DVL2: variants seen among roughly 807,000 people sequenced by gnomAD.
DVL2 encodes segment polarity protein dishevelled homolog DVL-2.
In DVL2, 38 loss-of-function variants were observed where a neutral mutation model predicts 69.8. The observed-to-expected ratio is 0.54, with a 90% CI of 0.42 to 0.71. DVL2 has a LOEUF of 0.71. Ranked by LOEUF, DVL2 falls within the 30% of genes least tolerant of loss-of-function variation. The pLI, the probability that DVL2 is intolerant of heterozygous loss-of-function variation, is 0.00. For synonymous variants in DVL2, 428 were observed against 392.4 expected, an observed-to-expected ratio of 1.09 and a Z score of -1.07; for missense variants, 931 against 1,008.1, an observed-to-expected ratio of 0.92 and a Z score of 1.04.
chr17:7,228,122 G>T, intron 9 of DVL2, 78 bp from the exon 10 acceptor site: 1 of 1,227,538 alleles, frequency 8.1e-7, no homozygotes, highest in Middle Eastern at 2.0e-4. Flanking sequence ...AGCAAGGATG[G>T]ATTAAGAGAC....
rs772894327 is a variant in DVL2, at chr17:7,230,710, G to A, written c.264+18C>T. The A allele has an allele frequency of 3.6e-5, 57 of 1,604,980 alleles. No homozygotes were observed. Among genetic ancestry groups the A allele is most frequent in the Admixed American group, 5.1e-5 (3 of 58,646 alleles). On this transcript the variant is annotated intron_variant, in intron 2 of 14. Coordinates refer to ENST00000005340, the MANE Select transcript of DVL2 (RefSeq NM_004422.3). ...GCAATGCTGAGGGGGCCTGGTCCTCGGTGTCAGAACCTCTTACCCAGGATA... is the reference window on the plus strand; with the variant it reads ...GCAATGCTGAGGGGGCCTGGTCCTCAGTGTCAGAACCTCTTACCCAGGATA...
Position 7,227,555 on chromosome 17 carries a change from G to A in DVL2, c.1232-20C>T. The A allele has an allele frequency of 6.2e-7, 1 of 1,613,302 alleles. No homozygotes were observed. Among genetic ancestry groups the A allele is most frequent in the Non-Finnish European group, 8.5e-7 (1 of 1,179,276 alleles). On this transcript the variant is annotated intron_variant, in intron 11 of 14. Transcript: ENST00000005340. The stretch of plus-strand genomic sequence containing the variant: ...CACAGCCTGGCAGAGGAGACAACGG[G>A]TAACCAGAGTCAGGGATCGCTCCCA...
At chr17:7,228,884 C>T in intron 9 of DVL2, 85 bp downstream of exon 9, 14 of 1,432,994 alleles carry the variant, frequency 9.8e-6, no homozygotes, top group Non-Finnish European at 1.4e-5. Context: ...GCCCGGCTGT[C>T]TTAGTACTTA....
chr17:7,227,105 C>T lies in DVL2; in HGVS notation c.1528G>A (p.Gly510Ser), dbSNP rs1164499679. The T allele has an allele frequency of 3.7e-6, 6 of 1,611,398 alleles. No individual in the cohort carries two copies. In the East Asian group the frequency reaches 6.7e-5, roughly 18 times the overall value. The change falls in exon 13 of 15, where the codon GGT (glycine) becomes AGT (serine). Residue 510 changes from glycine (G) to serine (S), a missense_variant. Transcript: ENST00000005340. ...GGGGACTTACAGCTCTCACAGCCACCACTGAGGTCTCCGAAGACGTAATAG... is the reference window on the plus strand; with the variant it reads ...GGGGACTTACAGCTCTCACAGCCACTACTGAGGTCTCCGAAGACGTAATAG... Reference protein sequence around the residue: ...QCYYVFGDLSGGCESYLVNLS... With the variant: ...QCYYVFGDLSSGCESYLVNLS...
chr17:7,228,326 G>A (rs2071489615), intron 9 of DVL2: 3 of 281,568 alleles, frequency 1.1e-5, no homozygotes, highest in Non-Finnish European at 2.0e-5. Context: ...CAGTGTTCAA[G>A]GATACGTGCA....
At chr17:7,230,847 C>A in intron 1 of DVL2, 50 bp from the exon 2 acceptor site, 1 of 1,430,986 alleles carries the variant, frequency 7.0e-7, no homozygotes, top group Admixed American at 1.9e-5. Context: ...CCATCCCCAC[C>A]CCGACCCCCA....
chr17:7,234,446 G>C lies in DVL2; in HGVS notation c.-184C>G. On this transcript the variant is annotated 5_prime_UTR_variant, in exon 1 of 15. Transcript: ENST00000005340. ...CGGCGGGGGGCGGGCCGCGGGGTGCGACTCAAAGCCCCGGTCTCAGCGGCC... is the reference window on the plus strand; with the variant it reads ...CGGCGGGGGGCGGGCCGCGGGGTGCCACTCAAAGCCCCGGTCTCAGCGGCC... The C allele has an allele frequency of 1.4e-6, 1 of 691,086 alleles. No homozygotes were observed. The highest frequency in any genetic ancestry group is 3.2e-5 in the East Asian group (1 of 30,886). The allele number at this position is 691,086 out of a possible 1,614,324, so 42.8% of individuals were successfully genotyped here.
At chr17:7,227,897 C>A (rs2071482471) in intron 10 of DVL2, 80 bp downstream of exon 10, 2 of 1,567,720 alleles carry the variant, frequency 1.3e-6, no homozygotes, top group Non-Finnish European at 1.7e-6. Context: ...CCCACCCATT[C>A]CCCATGACCA....
intron 1 of DVL2, 73 bp from the exon 2 acceptor site, chr17:7,230,870 C>A: frequency 1.8e-6 from 2 of 1,132,072 alleles, no homozygotes; most frequent in Non-Finnish European, 2.6e-6. Context: ...AAACTTTCTC[C>A]CAATCTTCAC....
chr17:7,229,319 C>T lies in DVL2; in HGVS notation c.818-45G>A, dbSNP rs114437302. 1.9e-3 allele frequency: 3,054 copies of T among 1,612,866 alleles called. 53 individuals carry two copies. The African/African-American group carries it at 0.034, about 18-fold the overall frequency. ...GAAAAGAGGAGCCCCTGCCACAGGA[C>T]GCCCGGAACCCTAGAGACCAGGCCC... On this transcript the variant is annotated intron_variant, in intron 7 of 14. Coordinates refer to ENST00000005340, the MANE Select transcript of DVL2 (RefSeq NM_004422.3). This position sits in a 1 kb window ranked among gnomAD's most constrained non-coding sequence, Gnocchi z 4.4.
rs751594569 is a variant in DVL2, at chr17:7,228,071, G to A, written c.1035-27C>T. 2.6e-6 allele frequency: 4 copies of A among 1,519,612 alleles called. No homozygotes were observed. The Admixed American group carries it at 8.9e-5, about 34-fold the overall frequency. The allele number at this position is 1,519,612 out of a possible 1,614,324, so 94.1% of individuals were successfully genotyped here. A position where few individuals can be genotyped will look rare whatever the true frequency, so the allele number is the denominator to read the frequency against. On this transcript the variant is annotated intron_variant, in intron 9 of 14. Transcript: ENST00000005340. The stretch of plus-strand genomic sequence containing the variant: ...TATGGGGAAGAGAAGTCCAGTCAAG[G>A]GCGCAGGGGAAGAGGAGGCCTCAGG...
rs774108089 is a variant in DVL2 at position 7,225,976 on chromosome 17, C to G, written c.2100G>C (p.Gly700=). ...PPVPPAVQPP[G]APPVRDLGSV... ...AGCCCAGGTCTCTGACTGGAGGGGC[C>G]CCCGGAGGCTGCACTGCTGGAGGGA... The change falls in exon 15 of 15, where the codon GGG becomes GGC. Residue 700 remains glycine, a synonymous_variant. Transcript: ENST00000005340. 4.6e-5 allele frequency: 74 copies of G among 1,613,612 alleles called. No individual in the cohort carries two copies. Among genetic ancestry groups the G allele is most frequent in the Non-Finnish European group, 6.1e-5 (72 of 1,179,976 alleles).
Position 7,226,465 on chromosome 17 carries a change from G to C in DVL2, c.1718C>G (p.Ser573Cys), listed in dbSNP as rs768740247. ...GGCACTGCCCCCACCATAGGTGTAA[G>C]ATGAAAGCTCATGGTAGGGTGGAGG... Reference protein sequence around the residue: ...PQPPPYHELSSYTYGGGSASS... With the variant: ...PQPPPYHELSCYTYGGGSASS... The change falls in exon 14 of 15, where the codon TCT becomes TGT. Residue 573 changes from serine to cysteine, a missense_variant. Transcript: ENST00000005340. 1.9e-6 allele frequency: 3 copies of C among 1,560,662 alleles called. No homozygotes were observed. The highest frequency in any genetic ancestry group is 2.6e-6 in the Non-Finnish European group (3 of 1,154,686).
chr17:7,228,584 C>CTTTTT, intron 9 of DVL2: 1 of 184,844 alleles, frequency 5.4e-6, no homozygotes, highest in Non-Finnish European at 1.1e-5. Context: ...TGTCTTAGCA[C>CTTTTT]TTTTTTTTTT....
intron 1 of DVL2, among the ~76,000 whole-genome samples, chr17:7,232,927 A>G (rs1597553703): frequency 1.3e-5 from 2 of 151,982 alleles, no homozygotes; most frequent in South Asian, 4.2e-4. Context: ...GTCTCTACTA[A>G]AAAATACAAA....
chr17:7,225,381 T>A lies in DVL2; in HGVS notation c.*484A>T. On this transcript the variant is annotated 3_prime_UTR_variant, in exon 15 of 15. Transcript: ENST00000005340. ...TGCTTTATTTGGTGTTTTATACAAG[T>A]GACTAAAATAAATAGAGTAACAAAG... The A allele has an allele frequency of 1.9e-6, 1 of 521,154 alleles. No homozygotes were observed. Among genetic ancestry groups the A allele is most frequent in the Non-Finnish European group, 3.5e-6 (1 of 288,678 alleles). 32.3% of individuals were successfully genotyped at this position (521,154 alleles called of 1,614,324 possible). A position where few individuals can be genotyped will look rare whatever the true frequency, so the allele number is the denominator to read the frequency against.
intron 1 of DVL2, among the ~76,000 whole-genome samples, chr17:7,233,253 C>T (rs1365827902): frequency 6.6e-6 from 1 of 152,054 alleles, no homozygotes; most frequent in Non-Finnish European, 1.5e-5. Context: ...TCTAGCACAG[C>T]CTACAATGCC....
intron 1 of DVL2, among the ~76,000 whole-genome samples, chr17:7,231,235 G>A (rs1377695273): frequency 4.6e-5 from 7 of 151,926 alleles, no homozygotes; most frequent in African/African-American, 9.7e-5. Context: ...AGGCTGAGGC[G>A]GGCGGATCAC....
chr17:7,226,135 T>C lies in DVL2; in HGVS notation c.1941A>G (p.Pro647=). 1.2e-6 allele frequency: 2 copies of C among 1,605,434 alleles called. No individual in the cohort carries two copies. The highest frequency in any genetic ancestry group is 1.7e-6 in the Non-Finnish European group (2 of 1,175,712). The change falls in exon 15 of 15, where the codon CCA becomes CCG. Residue 647 remains proline (P), a synonymous_variant. Coordinates refer to ENST00000005340, the MANE Select transcript of DVL2 (RefSeq NM_004422.3). The part of the protein sequence containing the change: ...ASGTSDGGPP[P]SRGSTGGAPN... Reference sequence around the variant, plus strand: ...GGGCACCCCCAGTTGAGCCTCTGGATGGAGGAGGGCCCCCATCGCTAGTCC... The same window carrying C: ...GGGCACCCCCAGTTGAGCCTCTGGACGGAGGAGGGCCCCCATCGCTAGTCC...
Sources: gnomAD v4.1 joint callset for allele counts (sites outside exome capture counted in the v4.1 genomes callset) on GRCh38, gnomAD v4.1.1 for gene constraint, Gnocchi (gnomAD v3.1) non-coding constraint, MANE v1.5 for transcripts, NCBI Gene and HGNC (gene_info 2026-07-23, HGNC 2026-07-21) for gene names.